MIPOL1: variants seen among roughly 807,000 people sequenced by gnomAD.
The protein encoded by MIPOL1 is mirror-image polydactyly 1.
A neutral mutation model predicts 60.9 loss-of-function variants in MIPOL1; 57 were observed. The observed-to-expected ratio is 0.94, with a 90% confidence interval of 0.76 to 1.17. The LOEUF is 1.17. Among genes scored for constraint, MIPOL1 ranks in the 50% most tolerant of loss-of-function variants. MIPOL1 has a pLI of 0.00. For missense variants in MIPOL1, 551 were observed against 511.6 expected, an observed-to-expected ratio of 1.08 and a Z score of -0.74; for synonymous variants, 179 against 168.8, an observed-to-expected ratio of 1.06 and a Z score of -0.47.
intron 1 of MIPOL1, among the ~76,000 whole-genome samples, chr14:37,232,970 G>A (rs1386434004): frequency 6.6e-6 from 1 of 152,222 alleles, no homozygotes; most frequent in African/African-American, 2.4e-5. Flanking sequence ...CTTCTCCAGT[G>A]TAGCTGAGGT....
chr14:37,203,788 T>C lies in MIPOL1; in HGVS notation c.-199+5684T>C, dbSNP rs1031432857. Among the ~76,000 whole-genome samples the C allele has an allele frequency of 5.3e-5, 8 of 152,150 alleles. No individual in the cohort carries two copies. The East Asian group carries it at 1.5e-3, about 29-fold the overall frequency. ...GTCTAAAAAACCTCAGGCATTTGTT[T>C]ATTTATTTATTTGAGATGAAGTCTC... is the stretch of plus-strand genomic sequence containing the variant. On this transcript the variant is annotated intron_variant, in intron 1 of 12. Transcript: ENST00000684589.
intron 11 of MIPOL1, among the ~76,000 whole-genome samples, chr14:37,434,265 G>C (rs1359932238): frequency 6.6e-6 from 1 of 152,100 alleles, no homozygotes; most frequent in Admixed American, 6.5e-5. Context: ...GTTTTGATTT[G>C]CATTTCTCTA....
In MIPOL1 at chr14:37,393,517, ATTC is replaced by A. The variant is rs200134337; in HGVS notation, c.936+23899_936+23901del. Among the ~76,000 whole-genome samples, 1,380 of 151,582 alleles carry A rather than the reference ATTC, an allele frequency of 9.1e-3. 10 individuals carry two copies. The highest frequency in any genetic ancestry group is 0.015 in the Non-Finnish European group (1,020 of 67,870). ...ATATAACATCAAACCTGGGTGGTTCATTCTTCTTTTTCTAGGCTCCTTGTAGTG... is the reference window on the plus strand; with the variant it reads ...ATATAACATCAAACCTGGGTGGTTCATTCTTTTTCTAGGCTCCTTGTAGTG... On this transcript the variant is annotated intron_variant, in intron 10 of 12. Coordinates refer to ENST00000684589, the MANE Select transcript of MIPOL1 (RefSeq NM_001388067.1).
chr14:37,211,206 A>T (rs1465534639), intron 1 of MIPOL1, among the ~76,000 whole-genome samples: 1 of 103,014 alleles, frequency 9.7e-6, no homozygotes, highest in Non-Finnish European at 1.8e-5. Flanking sequence ...CCCCCAGACA[A>T]GGACACCAAG....
chr14:37,363,322 G>A (rs1015083403), intron 9 of MIPOL1, among the ~76,000 whole-genome samples: 1 of 152,094 alleles, frequency 6.6e-6, no homozygotes, highest in Admixed American at 6.6e-5. Flanking sequence ...TGTGGATGTT[G>A]AAACTATTCC....
At chr14:37,450,880 T>G (rs946590483) in intron 11 of MIPOL1, among the ~76,000 whole-genome samples, 6 of 152,134 alleles carry the variant, frequency 3.9e-5, no homozygotes, top group African/African-American at 9.7e-5. Context: ...ACTTCCTCAT[T>G]GTTTTTAAGT....
intron 9 of MIPOL1, among the ~76,000 whole-genome samples, chr14:37,325,285 T>A (rs1402492362): frequency 6.6e-6 from 1 of 152,168 alleles, no homozygotes; most frequent in Non-Finnish European, 1.5e-5. Flanking sequence ...CTTTTTGATA[T>A]GTTGACATAT....
chr14:37,348,326 G>A (rs1364174400), intron 9 of MIPOL1, among the ~76,000 whole-genome samples: 1 of 152,064 alleles, frequency 6.6e-6, no homozygotes, highest in Non-Finnish European at 1.5e-5. Context: ...TTTGATAAAG[G>A]ATTTCTACTG....
chr14:37,380,848 G>A (rs920827055), intron 10 of MIPOL1, among the ~76,000 whole-genome samples: 4 of 152,104 alleles, frequency 2.6e-5, no homozygotes, highest in African/African-American at 4.8e-5. Context: ...CTTGAATGAC[G>A]GCACAAATTT....
chr14:37,353,885 G>A (rs1186696034), intron 9 of MIPOL1, among the ~76,000 whole-genome samples: 1 of 151,916 alleles, frequency 6.6e-6, no homozygotes, highest in South Asian at 2.1e-4. Flanking sequence ...TTTTTGAATG[G>A]TTTTTTGTGT....
chr14:37,255,871 A>AT (rs11413422), intron 3 of MIPOL1, among the ~76,000 whole-genome samples: 12,719 of 151,798 alleles, frequency 0.084, 1,779 homozygotes, highest in African/African-American at 0.29. Context: ...CTTTTGACAG[A>AT]TTCTAGTTTT....
chr14:37,521,678 T>C (rs938058365), intron 12 of MIPOL1, among the ~76,000 whole-genome samples: 4 of 152,112 alleles, frequency 2.6e-5, no homozygotes, highest in Non-Finnish European at 4.4e-5. Context: ...GATTGAGTCA[T>C]GAACTATTCT....
chr14:37,495,112 T>C, intron 11 of MIPOL1, among the ~76,000 whole-genome samples: 1 of 64,522 alleles, frequency 1.5e-5, no homozygotes, highest in South Asian at 4.1e-4. Flanking sequence ...TTCTAGGTAA[T>C]TTTTCTTTTT....
chr14:37,198,670 A>G (rs1291688923), intron 1 of MIPOL1, among the ~76,000 whole-genome samples: 1 of 152,158 alleles, frequency 6.6e-6, no homozygotes, highest in East Asian at 1.9e-4. Flanking sequence ...AGGGAACAAG[A>G]CAGCCGCATT....
intron 9 of MIPOL1, among the ~76,000 whole-genome samples, chr14:37,329,796 T>G (rs1308166319): frequency 3.3e-5 from 5 of 152,178 alleles, no homozygotes; most frequent in South Asian, 4.1e-4. Context: ...AAGAAACATC[T>G]CTGTCCTTTT....
Position 37,452,770 on chromosome 14 carries a change from A to G in MIPOL1, c.1031+29821A>G, listed in dbSNP as rs193108929. Among the ~76,000 whole-genome samples, 72 of 152,312 alleles carry G rather than the reference A, an allele frequency of 4.7e-4. No individual in the cohort carries two copies. In the East Asian group the frequency reaches 0.011, roughly 23 times the overall value. ...GGGGCATATTATCAAGTTGACGTAT[A>G]GTGTTTTCAGTTTTGCAGCTCCCAT... On this transcript the variant is annotated intron_variant, in intron 11 of 12. Coordinates refer to ENST00000684589, the MANE Select transcript of MIPOL1 (RefSeq NM_001388067.1).
At chr14:37,310,207 T>G (rs141979623) in intron 9 of MIPOL1, among the ~76,000 whole-genome samples, 1 of 136,616 alleles carries the variant, frequency 7.3e-6, no homozygotes, top group African/African-American at 2.7e-5. Flanking sequence ...CTCTCTGTTT[T>G]GTATCTTCAC....
At chr14:37,292,101 A>G (rs993853592) in intron 7 of MIPOL1, among the ~76,000 whole-genome samples, 8 of 150,784 alleles carry the variant, frequency 5.3e-5, no homozygotes, top group Non-Finnish European at 7.4e-5. Flanking sequence ...TATTTTTTGT[A>G]TTTTTAGTAG....
At chr14:37,384,793 A>T (rs2093021737) in intron 10 of MIPOL1, among the ~76,000 whole-genome samples, 1 of 151,988 alleles carries the variant, frequency 6.6e-6, no homozygotes, top group South Asian at 2.1e-4. Flanking sequence ...AATGAATTTT[A>T]TCCCTGTTTT....
Sources: gnomAD v4.1 joint callset for allele counts (sites outside exome capture counted in the v4.1 genomes callset) on GRCh38, gnomAD v4.1.1 for gene constraint, MANE v1.5 for transcripts, NCBI Gene and HGNC (gene_info 2026-07-23, HGNC 2026-07-21) for gene names.